ITGAE: variants seen among roughly 807,000 people sequenced by gnomAD.
The protein encoded by ITGAE is integrin subunit alpha E.
ITGAE carries 99 observed loss-of-function variants against 136.5 expected under a neutral mutation model. That is an observed-to-expected ratio of 0.73 (90% CI 0.62 to 0.86). ITGAE has a LOEUF of 0.86. ITGAE is among the 40% of genes least tolerant of loss of function. The pLI is 0.00. For missense variants in ITGAE, 1,447 were observed against 1,515.3 expected, an observed-to-expected ratio of 0.95 and a Z score of 0.75; for synonymous variants, 613 against 591.8, an observed-to-expected ratio of 1.04 and a Z score of -0.52.
intron 1 of ITGAE, among the ~76,000 whole-genome samples, chr17:3,779,072 TGA>T (rs2052607037): frequency 6.6e-6 from 1 of 151,458 alleles, no homozygotes; most frequent in African/African-American, 2.4e-5. Context: ...AAAAAATGCT[TGA>T]GAGGATGGGA....
chr17:3,747,357 A>G (rs1184682), intron 17 of ITGAE, among the ~76,000 whole-genome samples: 126,827 of 151,568 alleles, frequency 0.84, 53,943 homozygotes, highest in African/African-American at 0.96. Context: ...TCGCTCTGTC[A>G]CCCAGCGTGG....
rs1286416914 is a variant in ITGAE, at chr17:3,761,148, C to A, written c.463G>T (p.Asp155Tyr). The A allele has an allele frequency of 3.7e-6, 6 of 1,612,534 alleles. No individual in the cohort carries two copies. The highest frequency in any genetic ancestry group is 5.1e-6 in the Non-Finnish European group (6 of 1,179,828). Reference protein sequence around the residue: ...ENLLDPDARVDTGDCYSNKEG... With the variant: ...ENLLDPDARVYTGDCYSNKEG... ...TTGTTGCTGTAGCAGTCTCCAGTGT[C>A]CACACGTGCATCTGGATCCAGGAGA... The change falls in exon 6 of 31, where the codon GAC (aspartate) becomes TAC (tyrosine). Residue 155 changes from aspartate to tyrosine, a missense_variant. Coordinates refer to ENST00000263087, the MANE Select transcript of ITGAE (RefSeq NM_002208.5).
chr17:3,735,889 A>G (rs1201973054), intron 20 of ITGAE, among the ~76,000 whole-genome samples: 1 of 152,212 alleles, frequency 6.6e-6, no homozygotes, highest in Non-Finnish European at 1.5e-5. Flanking sequence ...ATTACCTGTC[A>G]TCCCAACACT....
intron 28 of ITGAE, chr17:3,720,644 CG>C (rs1476598238): frequency 2.6e-5 from 8 of 303,726 alleles, no homozygotes; most frequent in Non-Finnish European, 4.9e-5. Context: ...TGAAGTGGTG[CG>C]ATCTCGGCTC....
In ITGAE at chr17:3,779,063, A is replaced by G. The variant is rs1013754827; in HGVS notation, c.35-1403T>C. Among the ~76,000 whole-genome samples, 30 of 152,288 alleles carry G rather than the reference A, an allele frequency of 2.0e-4. No individual in the cohort carries two copies. The Middle Eastern group carries it at 0.02, about 104-fold the overall frequency. On this transcript the variant is annotated intron_variant, in intron 1 of 30. Transcript: ENST00000263087. ...CAAAACTAACCTATAGTAAAAAAAAAAAAATGCTTGAGAGGATGGGACTAA... is the reference window on the plus strand; with the variant it reads ...CAAAACTAACCTATAGTAAAAAAAAGAAAATGCTTGAGAGGATGGGACTAA...
intron 28 of ITGAE, among the ~76,000 whole-genome samples, chr17:3,720,823 T>G (rs569888285): frequency 1.3e-5 from 2 of 152,224 alleles, no homozygotes; most frequent in South Asian, 4.1e-4. Flanking sequence ...CCTCAGATGA[T>G]CTACCCACCT....
At chr17:3,777,290 C>G (rs1446039527) in intron 2 of ITGAE, among the ~76,000 whole-genome samples, 1 of 152,218 alleles carries the variant, frequency 6.6e-6, no homozygotes, top group East Asian at 1.9e-4. Context: ...CCACCCTCCC[C>G]CTGGGCAATG....
intron 2 of ITGAE, among the ~76,000 whole-genome samples, chr17:3,776,100 C>T (rs1418104895): frequency 6.2e-5 from 9 of 145,094 alleles, no homozygotes; most frequent in African/African-American, 2.3e-4. Context: ...CTCTGTCGCC[C>T]AGGCTGTAGT....
chr17:3,726,766 C>T (rs1256182200), intron 26 of ITGAE: 1 of 153,586 alleles, frequency 6.5e-6, no homozygotes, highest in Non-Finnish European at 1.4e-5. Context: ...TGCTCTGTCA[C>T]CCAGGCTAGA....
intron 1 of ITGAE, among the ~76,000 whole-genome samples, chr17:3,790,109 AG>A (rs2052902488): frequency 6.6e-6 from 1 of 152,122 alleles, no homozygotes; most frequent in Non-Finnish European, 1.5e-5. Context: ...GAAGGATCTA[AG>A]GGCCCAAGAC....
At chr17:3,739,901 G>T in intron 19 of ITGAE, 23 bp from the exon 20 acceptor site, 1 of 1,598,990 alleles carries the variant, frequency 6.3e-7, no homozygotes, top group Non-Finnish European at 8.6e-7. Context: ...AGAGAGTCCC[G>T]ATCAGCCCAG....
chr17:3,729,081 A>G (rs1377721754), intron 24 of ITGAE, among the ~76,000 whole-genome samples: 1 of 151,888 alleles, frequency 6.6e-6, no homozygotes, highest in African/African-American at 2.4e-5. Flanking sequence ...ATGTCAAAAT[A>G]TAAAGTGGTC....
intron 16 of ITGAE, among the ~76,000 whole-genome samples, 166 bp downstream of exon 16, chr17:3,750,186 G>C (rs1567531221): frequency 6.6e-6 from 1 of 152,212 alleles, no homozygotes; most frequent in African/African-American, 2.4e-5. Context: ...GGCTGAGAGG[G>C]CTGAGAGCTG....
intron 26 of ITGAE, chr17:3,725,690 C>T (rs149212524): frequency 6.3e-7 from 1 of 1,580,612 alleles, no homozygotes; most frequent in African/African-American, 1.4e-5. Flanking sequence ...CAACCAAAGG[C>T]TCTGCAAATG....
At chr17:3,761,276 C>T (rs1227167618) in intron 5 of ITGAE, 99 bp from the exon 6 acceptor site, 1 of 1,551,226 alleles carries the variant, frequency 6.4e-7, no homozygotes, top group Admixed American at 1.8e-5. Context: ...TCACGTGATG[C>T]CTCAACCCTG....
In ITGAE at chr17:3,753,933, A is replaced by G. The variant is rs1318893801; in HGVS notation, c.1385-8T>C. 1.2e-6 allele frequency: 2 copies of G among 1,613,312 alleles called. No individual in the cohort carries two copies. Among genetic ancestry groups the G allele is most frequent in the African/African-American group, 2.7e-5 (2 of 74,900 alleles). On this transcript the variant is annotated splice_region_variant and splice_polypyrimidine_tract_variant and intron_variant, in intron 12 of 30. Coordinates refer to ENST00000263087, the MANE Select transcript of ITGAE (RefSeq NM_002208.5). Reference sequence around the variant, plus strand: ...GCACGGCCACAGCGTAACCTGGGGCAAGGGTGGTGTGGCTGTGAACACACC... The same window carrying G: ...GCACGGCCACAGCGTAACCTGGGGCGAGGGTGGTGTGGCTGTGAACACACC...
rs1036242592 is a variant in ITGAE, at chr17:3,798,286, A to T, written c.34+2825T>A. Among the ~76,000 whole-genome samples the T allele has an allele frequency of 3.3e-5, 5 of 151,956 alleles. No homozygotes were observed. The highest frequency in any genetic ancestry group is 4.1e-4 in the South Asian group (2 of 4,824). On this transcript the variant is annotated intron_variant, in intron 1 of 30. Transcript: ENST00000263087. The surrounding 1 kb of genome is among the most constrained non-coding windows in gnomAD (Gnocchi z 4.3). Reference sequence around the variant, plus strand: ...TGTGCACAACCTGCCTTCTCTTCACACAGGGGCTGGGATAGGGGTGGCCTC... The same window carrying T: ...TGTGCACAACCTGCCTTCTCTTCACTCAGGGGCTGGGATAGGGGTGGCCTC...
intron 2 of ITGAE, among the ~76,000 whole-genome samples, chr17:3,774,579 C>T (rs893601077): frequency 1.8e-4 from 28 of 152,222 alleles, no homozygotes; most frequent in Admixed American, 1.6e-3. Flanking sequence ...TCCTGGCCAA[C>T]GTGGCGAAAC....
chr17:3,735,353 G>T (rs990876048), intron 20 of ITGAE, among the ~76,000 whole-genome samples: 1 of 152,162 alleles, frequency 6.6e-6, no homozygotes, highest in Non-Finnish European at 1.5e-5. Flanking sequence ...TTTTATTAGG[G>T]ACGGGGTTTC....
Sources: allele counts gnomAD v4.1 joint callset (sites outside exome capture counted in the v4.1 genomes callset), GRCh38; gene constraint gnomAD v4.1.1; non-coding constraint Gnocchi (gnomAD v3.1); transcripts MANE v1.5; gene names NCBI Gene and HGNC (gene_info 2026-07-23, HGNC 2026-07-21).